AKAP12: variants seen among roughly 807,000 people sequenced by gnomAD.
AKAP12 encodes A-kinase anchoring protein 12, also known as A-kinase anchor protein 12.
Under a neutral mutation model 79.9 loss-of-function variants are expected in AKAP12, and 32 were observed. The observed-to-expected ratio is 0.40, with a 90% CI of 0.30 to 0.54. The LOEUF (loss-of-function observed/expected upper bound fraction) is 0.54. Among genes scored for constraint, AKAP12 ranks in the 20% least tolerant of loss-of-function variants. The pLI is 0.48. For missense variants in AKAP12, 2,074 were observed against 2,177.0 expected (o/e 0.95, Z 0.94); for synonymous variants, 808 against 857.0 (o/e 0.94, Z 1.00).
At chr6:151,252,554 A>G (rs538542053) in intron 2 of AKAP12, among the ~76,000 whole-genome samples, 6 of 151,790 alleles carry the variant, frequency 4.0e-5, no homozygotes, top group Non-Finnish European at 8.8e-5. Flanking sequence ...GATAGTGGCT[A>G]TGGAGAAGTG....
intron 2 of AKAP12, among the ~76,000 whole-genome samples, chr6:151,242,735 A>G (rs956045051): frequency 6.6e-6 from 1 of 152,082 alleles, no homozygotes; most frequent in African/African-American, 2.4e-5. Flanking sequence ...CAGTTTTCAC[A>G]TGTGTGGGTT....
intron 2 of AKAP12, among the ~76,000 whole-genome samples, chr6:151,286,033 G>T (rs543612189): frequency 1.3e-5 from 2 of 152,190 alleles, no homozygotes; most frequent in South Asian, 4.2e-4. Flanking sequence ...GCACCACCAT[G>T]CCTGGGTAAT....
At chr6:151,330,335 A>G (rs1473840950) in intron 3 of AKAP12, among the ~76,000 whole-genome samples, 2 of 152,142 alleles carry the variant, frequency 1.3e-5, no homozygotes, top group East Asian at 3.9e-4. Flanking sequence ...GATGTCACCT[A>G]TATGCTCCAG....
intron 2 of AKAP12, among the ~76,000 whole-genome samples, chr6:151,260,926 A>T (rs1797415536): frequency 1.3e-5 from 2 of 152,066 alleles, no homozygotes. Flanking sequence ...GGGGAGGTGG[A>T]GGTTGCAGTG....
At chr6:151,285,384 C>CTGTGTGTG (rs10680283) in intron 2 of AKAP12, among the ~76,000 whole-genome samples, 6,542 of 136,376 alleles carry the variant, frequency 0.048, 164 homozygotes, top group East Asian at 0.12. Context: ...CTGCATTTCA[C>CTGTGTGTG]TGTGTGTGTG....
At chr6:151,243,083 T>C (rs1797009029) in intron 2 of AKAP12, among the ~76,000 whole-genome samples, 1 of 152,240 alleles carries the variant, frequency 6.6e-6, no homozygotes. Flanking sequence ...TTGGGGGCTT[T>C]GGATTCTGTT....
intron 2 of AKAP12, chr6:151,280,491 T>G (rs1776380996): frequency 6.6e-6 from 1 of 152,116 alleles, no homozygotes; most frequent in Non-Finnish European, 1.5e-5. Flanking sequence ...CAGCTTTCAA[T>G]AGCTCACAGC....
At chr6:151,317,182 C>A (rs1478130766) in intron 3 of AKAP12, among the ~76,000 whole-genome samples, 1 of 152,172 alleles carries the variant, frequency 6.6e-6, no homozygotes, top group East Asian at 1.9e-4. Context: ...AACCAGGAGC[C>A]TACCCCTGTG....
chr6:151,317,351 T>C (rs1777260114), intron 3 of AKAP12, among the ~76,000 whole-genome samples: 1 of 152,230 alleles, frequency 6.6e-6, no homozygotes, highest in African/African-American at 2.4e-5. Flanking sequence ...TCACCTCCTT[T>C]TTCCACATGG....
At chr6:151,305,241 A>G (rs1776954482) in intron 2 of AKAP12, among the ~76,000 whole-genome samples, 1 of 147,914 alleles carries the variant, frequency 6.8e-6, no homozygotes, top group Non-Finnish European at 1.5e-5. Flanking sequence ...TGTTCTATGT[A>G]TGCCTCCTTC....
chr6:151,325,639 C>T (rs1251051490), intron 3 of AKAP12: 26 of 1,386,572 alleles, frequency 1.9e-5, no homozygotes, highest in African/African-American at 2.9e-5. Flanking sequence ...GGGTGGGGGT[C>T]CGCCTATAAT....
intron 2 of AKAP12, among the ~76,000 whole-genome samples, chr6:151,267,905 C>T (rs888881779): frequency 6.6e-6 from 1 of 152,112 alleles, no homozygotes; most frequent in Non-Finnish European, 1.5e-5. Flanking sequence ...CCTCAGGCAC[C>T]CAAACCTGTC....
intron 3 of AKAP12, among the ~76,000 whole-genome samples, chr6:151,321,195 C>G (rs908409064): frequency 6.6e-6 from 1 of 152,080 alleles, no homozygotes; most frequent in Non-Finnish European, 1.5e-5. Context: ...CCATGTTGAC[C>G]AGGCTGGTCT....
At chr6:151,332,650 T>A (rs144861190) in intron 3 of AKAP12, among the ~76,000 whole-genome samples, 100 of 152,330 alleles carry the variant, frequency 6.6e-4, no homozygotes, top group Non-Finnish European at 1.3e-3. Flanking sequence ...CATGGGTATG[T>A]GGCCTGTTGG....
intron 2 of AKAP12, among the ~76,000 whole-genome samples, chr6:151,275,921 T>C (rs1776284638): frequency 6.6e-6 from 1 of 152,256 alleles, no homozygotes; most frequent in Admixed American, 6.5e-5. Context: ...GTTGTTCTTA[T>C]CATCTGGACA....
At chr6:151,348,077 C>T (rs1300558782) in intron 3 of AKAP12, among the ~76,000 whole-genome samples, 1 of 151,862 alleles carries the variant, frequency 6.6e-6, no homozygotes. Flanking sequence ...GGCGTGAACC[C>T]AGGAGGCGGA....
rs761062045 is a variant in AKAP12, at chr6:151,352,313, G to A, written c.3922G>A (p.Gly1308Arg). 6.2e-7 allele frequency: 1 copy of A among 1,614,190 alleles called. No homozygotes were observed. ...KVTEVALKGE[G>R]TEEAECKKDD... ...CACTGAAGTTGCCCTTAAAGGTGAA[G>A]GGACAGAAGAAGCTGAATGTAAAAA... Residue 1308 changes from glycine (G) to arginine (R), a missense_variant, in exon 4 of 5, where the codon GGG becomes AGG. Around this residue, in one of 3 missense-constraint regions of AKAP12, gnomAD observed 614 missense variants for 665.6 expected, o/e 0.92. Transcript: ENST00000402676.
Position 151,296,816 on chromosome 6 carries a change from G to A in AKAP12, c.163-8931G>A, listed in dbSNP as rs1203770784. Reference sequence around the variant, plus strand: ...GAACTTCTTGGAAAGCATGACTGTCGGGGAAGGAATGGAGAGACTAAAGAA... The same window carrying A: ...GAACTTCTTGGAAAGCATGACTGTCAGGGAAGGAATGGAGAGACTAAAGAA... On this transcript the variant is annotated intron_variant, in intron 2 of 4. Transcript: ENST00000402676. Among the ~76,000 whole-genome samples the A allele has an allele frequency of 3.3e-5, 5 of 152,070 alleles. 1 individual carries two copies. In the South Asian group the frequency reaches 6.2e-4, roughly 19 times the overall value.
intron 3 of AKAP12, among the ~76,000 whole-genome samples, chr6:151,322,875 A>G (rs1777432545): frequency 6.6e-6 from 1 of 152,244 alleles, no homozygotes; most frequent in South Asian, 2.1e-4. Context: ...TGTTGAGTGA[A>G]CCATTCTGAT....
Sources: allele counts gnomAD v4.1 joint callset (sites outside exome capture counted in the v4.1 genomes callset), GRCh38; gene constraint gnomAD v4.1.1; regional missense constraint gnomAD v4.1.1; transcripts MANE v1.5; gene names NCBI Gene and HGNC (gene_info 2026-07-23, HGNC 2026-07-21).